Variants in NLGN1 observed in about 807,000 individuals in gnomAD.
NLGN1 encodes neuroligin-1.
In NLGN1, 12 loss-of-function variants were observed where a neutral mutation model predicts 65.5. That is an observed-to-expected ratio of 0.18 (90% CI 0.12 to 0.30). The LOEUF (loss-of-function observed/expected upper bound fraction) is 0.30, where lower values mean the gene tolerates loss of function less well. Ranked by LOEUF, NLGN1 falls within the 10% of genes least tolerant of loss-of-function variation. NLGN1 has a pLI of 1.00. For synonymous variants in NLGN1, 350 were observed against 359.5 expected (o/e 0.97, Z 0.30); for missense variants, 750 against 1,007.1 (o/e 0.74, Z 3.46).
At chr3:173,718,763 CA>C (rs1770305044) in intron 3 of NLGN1, among the ~76,000 whole-genome samples, 1 of 151,932 alleles carries the variant, frequency 6.6e-6, no homozygotes, top group Non-Finnish European at 1.5e-5. Context: ...CAAATTGTTT[CA>C]AAATAAGTGG....
At chr3:174,154,747 G>C (rs148781093) in intron 4 of NLGN1, among the ~76,000 whole-genome samples, 4 of 150,554 alleles carry the variant, frequency 2.7e-5, no homozygotes, top group Non-Finnish European at 5.9e-5. Context: ...TTGTGCATAT[G>C]TTTGTATGTA....
intron 4 of NLGN1, among the ~76,000 whole-genome samples, chr3:174,228,586 A>G (rs770559211): frequency 6.6e-6 from 1 of 152,152 alleles, no homozygotes; most frequent in African/African-American, 2.4e-5. Flanking sequence ...GCACTAGGTA[A>G]CTATATAGTT....
At chr3:173,482,723 A>G (rs1330957209) in intron 2 of NLGN1, among the ~76,000 whole-genome samples, 1 of 151,978 alleles carries the variant, frequency 6.6e-6, no homozygotes, top group Non-Finnish European at 1.5e-5. Context: ...AGAATTATTA[A>G]CAGACATGAA....
chr3:174,057,308 A>G (rs1736359217), intron 4 of NLGN1, among the ~76,000 whole-genome samples: 1 of 152,040 alleles, frequency 6.6e-6, no homozygotes, highest in African/African-American at 2.4e-5. Context: ...TGTGAATGCT[A>G]CTGCAATGCT....
At chr3:174,196,346 T>A (rs1733414250) in intron 4 of NLGN1, among the ~76,000 whole-genome samples, 1 of 152,150 alleles carries the variant, frequency 6.6e-6, no homozygotes, top group South Asian at 2.1e-4. Context: ...AGTCTGAAGA[T>A]CAAATTTCCC....
chr3:173,455,724 A>G (rs1186202812), intron 2 of NLGN1, among the ~76,000 whole-genome samples: 1 of 152,112 alleles, frequency 6.6e-6, no homozygotes, highest in African/African-American at 2.4e-5. Flanking sequence ...ATGTGTGTAT[A>G]TATATGTGTG....
At chr3:173,457,158 A>G (rs1722638343) in intron 2 of NLGN1, among the ~76,000 whole-genome samples, 4 of 152,160 alleles carry the variant, frequency 2.6e-5, no homozygotes, top group Admixed American at 2.6e-4. Flanking sequence ...TGAGGAGGAC[A>G]TTAGGCACTG....
At chr3:173,807,719 A>G in exon 4 of NLGN1, 3 of 1,613,756 alleles carry the variant, frequency 1.9e-6, no homozygotes, top group South Asian at 1.1e-5. Flanking sequence ...GTGATGGTGT[A>G]TATCCATGGT....
At chr3:173,498,591 A>C (rs961531616) in intron 2 of NLGN1, among the ~76,000 whole-genome samples, 14 of 151,838 alleles carry the variant, frequency 9.2e-5, no homozygotes, top group African/African-American at 3.4e-4. Context: ...ACTGGGTCAA[A>C]TGGTATTTCT....
intron 4 of NLGN1, among the ~76,000 whole-genome samples, chr3:174,014,853 C>G (rs1034759152): frequency 3.6e-4 from 55 of 152,218 alleles, no homozygotes; most frequent in African/African-American, 1.3e-3. Flanking sequence ...GCACTTGGCT[C>G]AGTTCCTGAC....
At chr3:174,157,937 C>G (rs998490092) in intron 4 of NLGN1, among the ~76,000 whole-genome samples, 1 of 151,666 alleles carries the variant, frequency 6.6e-6, no homozygotes, top group Non-Finnish European at 1.5e-5. Flanking sequence ...AAACATCAAC[C>G]AGGATTCTAA....
At chr3:173,752,294 T>C (rs1374925120) in intron 3 of NLGN1, among the ~76,000 whole-genome samples, 2 of 152,110 alleles carry the variant, frequency 1.3e-5, no homozygotes, top group African/African-American at 2.4e-5. Context: ...ATGCCAGATA[T>C]TAACCTCCTG....
intron 4 of NLGN1, among the ~76,000 whole-genome samples, chr3:174,011,860 A>G (rs540818483): frequency 3.0e-3 from 425 of 140,148 alleles, no homozygotes; most frequent in African/African-American, 0.01. Context: ...CTCTCCTGGA[A>G]TTTATAATTA....
chr3:174,204,596 G>A (rs1735068169), intron 4 of NLGN1, among the ~76,000 whole-genome samples: 1 of 152,200 alleles, frequency 6.6e-6, no homozygotes, highest in South Asian at 2.1e-4. Context: ...TCTTGAGACA[G>A]CATAAGCTCA....
At chr3:174,215,590 ATTC>A (rs1737444953) in intron 4 of NLGN1, among the ~76,000 whole-genome samples, 1 of 152,202 alleles carries the variant, frequency 6.6e-6, no homozygotes, top group Non-Finnish European at 1.5e-5. Context: ...GAGAGAAGAT[ATTC>A]GAGTGATGAT....
intron 3 of NLGN1, among the ~76,000 whole-genome samples, chr3:173,610,109 T>G (rs962573852): frequency 6.6e-6 from 1 of 151,884 alleles, no homozygotes; most frequent in Admixed American, 6.6e-5. Flanking sequence ...TAAGACTTGG[T>G]CATGGTCCAG....
rs373262076 is a variant in NLGN1, at chr3:174,056,019, G to A, written c.647-219296G>A. Among the ~76,000 whole-genome samples the A allele has an allele frequency of 4.2e-4, 64 of 151,690 alleles. 2 individuals carry two copies. The East Asian group carries it at 7.2e-3, about 17-fold the overall frequency. On this transcript the variant is annotated intron_variant, in intron 4 of 6. Coordinates refer to ENST00000457714, the Ensembl canonical transcript of NLGN1. ...GAGAGCAGATTATATGCTAAGTATT[G>A]TGCTCTGGGCTTTACATGTGTTACC...
intron 2 of NLGN1, among the ~76,000 whole-genome samples, chr3:173,512,960 A>G (rs1252852503): frequency 6.6e-6 from 1 of 152,216 alleles, no homozygotes; most frequent in Non-Finnish European, 1.5e-5. Flanking sequence ...CAGTCTTACA[A>G]TTAGATCTCA....
rs564999343 is a variant in NLGN1 at position 173,995,977 on chromosome 3, C to T, written c.646+188145C>T. 2.0e-5 allele frequency among the ~76,000 whole-genome samples: 3 copies of T among 152,270 alleles called. No homozygotes were observed. In the South Asian group the frequency reaches 6.2e-4, roughly 32 times the overall value. On this transcript the variant is annotated intron_variant, in intron 4 of 6. Transcript: ENST00000457714. ...CTGGGATTATAGGTGTAAGCCACTGCACCCAACCCTTGTGTTTTGTTTTTA... is the reference window on the plus strand; with the variant it reads ...CTGGGATTATAGGTGTAAGCCACTGTACCCAACCCTTGTGTTTTGTTTTTA...
Sources: allele counts gnomAD v4.1 joint callset (sites outside exome capture counted in the v4.1 genomes callset), GRCh38; gene constraint gnomAD v4.1.1; transcripts MANE v1.5; gene names NCBI Gene and HGNC (gene_info 2026-07-23, HGNC 2026-07-21).